Variants in CCDC6 observed in about 807,000 individuals in gnomAD.
CCDC6 encodes coiled-coil domain-containing protein 6.
CCDC6 carries 20 observed loss-of-function variants against 56.6 expected under a neutral mutation model. The observed-to-expected ratio is 0.35, with a 90% CI of 0.25 to 0.51. CCDC6 has a LOEUF of 0.51. Ranked by LOEUF, CCDC6 falls within the 20% of genes least tolerant of loss-of-function variation. CCDC6 has a pLI of 0.95. For synonymous variants in CCDC6, 241 were observed against 234.4 expected, an observed-to-expected ratio of 1.03 and a Z score of -0.26; for missense variants, 367 against 601.1, an observed-to-expected ratio of 0.61 and a Z score of 4.07.
intron 1 of CCDC6, among the ~76,000 whole-genome samples, chr10:59,898,442 A>C (rs1471292400): frequency 6.6e-6 from 1 of 152,250 alleles, no homozygotes; most frequent in Non-Finnish European, 1.5e-5. Context: ...TCACAGAGAT[A>C]GATGAACTTC....
Position 59,806,909 on chromosome 10 carries a change from G to C in CCDC6, c.1004+13C>G, listed in dbSNP as rs2070629952. 1 of 1,611,724 alleles carries C rather than the reference G, an allele frequency of 6.2e-7. No homozygotes were observed. The highest frequency in any genetic ancestry group is 1.3e-5 in the African/African-American group (1 of 74,760). On this transcript the variant is annotated intron_variant, in intron 6 of 8. Coordinates refer to ENST00000263102, the MANE Select transcript of CCDC6 (RefSeq NM_005436.5). ...TTTTAAACAAAAACAAGGCTCATAA[G>C]ACATGCACACACCTTTCGTCGTCCA...
rs147441139 is a variant in CCDC6 at position 59,860,742 on chromosome 10, G to A, written c.304-8040C>T. Among the ~76,000 whole-genome samples, 36 of 152,158 alleles carry A rather than the reference G, an allele frequency of 2.4e-4. No individual in the cohort carries two copies. In the East Asian group the frequency reaches 2.7e-3, roughly 11 times the overall value. ...TACATGACCTAATAGAAAAAGAGGC[G>A]TGCTCATTTCCAGGCATAAAAACTA... On this transcript the variant is annotated intron_variant, in intron 1 of 8. Coordinates refer to ENST00000263102, the MANE Select transcript of CCDC6 (RefSeq NM_005436.5).
chr10:59,878,509 T>C (rs1169110635), intron 1 of CCDC6, among the ~76,000 whole-genome samples: 1 of 152,168 alleles, frequency 6.6e-6, no homozygotes, highest in Non-Finnish European at 1.5e-5. Context: ...TGAGAAGGAA[T>C]TCACAGCTGC....
At chr10:59,804,362 G>A in intron 7 of CCDC6, 58 bp downstream of exon 7, 1 of 944,584 alleles carries the variant, frequency 1.1e-6, no homozygotes, top group Non-Finnish European at 1.8e-6. Context: ...CACAGTCAGG[G>A]TTGCCTATTC....
intron 2 of CCDC6, among the ~76,000 whole-genome samples, chr10:59,834,259 G>A (rs761066929): frequency 2.6e-5 from 4 of 152,084 alleles, no homozygotes; most frequent in Non-Finnish European, 4.4e-5. Flanking sequence ...TTGGCTAGGC[G>A]CAGGGGCTCA....
At chr10:59,881,348 C>T (rs2071333283) in intron 1 of CCDC6, among the ~76,000 whole-genome samples, 1 of 151,870 alleles carries the variant, frequency 6.6e-6, no homozygotes, top group African/African-American at 2.4e-5. Flanking sequence ...AGATGAACAT[C>T]CCGGCAGCAC....
chr10:59,831,113 G>A (rs975975610), intron 3 of CCDC6, among the ~76,000 whole-genome samples: 1 of 152,156 alleles, frequency 6.6e-6, no homozygotes, highest in Non-Finnish European at 1.5e-5. Context: ...GGAATTAAAC[G>A]GGTGAAACTC....
At chr10:59,862,394 A>G (rs1050742958) in intron 1 of CCDC6, among the ~76,000 whole-genome samples, 3 of 151,372 alleles carry the variant, frequency 2.0e-5, no homozygotes, top group Non-Finnish European at 2.9e-5. Flanking sequence ...AGGTTGAGGC[A>G]TAAGAATCGC....
chr10:59,803,986 G>C (rs952403549), intron 7 of CCDC6, among the ~76,000 whole-genome samples: 1 of 152,108 alleles, frequency 6.6e-6, no homozygotes. Flanking sequence ...TTAACATGGG[G>C]AAAATGATGA....
chr10:59,896,421 C>T (rs2071464401), intron 1 of CCDC6, among the ~76,000 whole-genome samples: 1 of 152,106 alleles, frequency 6.6e-6, no homozygotes, highest in African/African-American at 2.4e-5. Flanking sequence ...GGCTAGGGCA[C>T]TGCACATTTG....
chr10:59,806,769 T>C, intron 6 of CCDC6, 153 bp downstream of exon 6: 2 of 517,644 alleles, frequency 3.9e-6, no homozygotes, highest in Non-Finnish European at 6.5e-6. Flanking sequence ...ATCCCATTCT[T>C]GGCATCTACT....
rs73263456 is a variant in CCDC6, at chr10:59,840,868, G to C, written c.454-8215C>G. ...TTTACCATCTTCAGTACTACTTCCT[G>C]AATAATCCACTCCATCTCTTGGCAT... On this transcript the variant is annotated intron_variant, in intron 2 of 8. Transcript: ENST00000263102. Among the ~76,000 whole-genome samples the C allele has an allele frequency of 8.0e-3, 1,225 of 152,210 alleles. 26 individuals are homozygous for C. The highest frequency in any genetic ancestry group is 0.028 in the African/African-American group (1,167 of 41,530).
At chr10:59,837,386 T>C (rs2132646754) in intron 2 of CCDC6, among the ~76,000 whole-genome samples, 1 of 152,296 alleles carries the variant, frequency 6.6e-6, no homozygotes, top group Non-Finnish European at 1.5e-5. Flanking sequence ...GTCAAGTCAG[T>C]CCTTGCCAAC....
At chr10:59,849,456 T>C (rs918512739) in intron 2 of CCDC6, among the ~76,000 whole-genome samples, 1 of 152,212 alleles carries the variant, frequency 6.6e-6, no homozygotes, top group African/African-American at 2.4e-5. Flanking sequence ...ATTCTATTTT[T>C]TAAAGGTATT....
chr10:59,838,252 G>T lies in CCDC6; in HGVS notation c.454-5599C>A, dbSNP rs548195141. Reference sequence around the variant, plus strand: ...GTCACACACACACACACTCTCCTTTGTGTGTGCCATGTGCTCATGGCCCCA... The same window carrying T: ...GTCACACACACACACACTCTCCTTTTTGTGTGCCATGTGCTCATGGCCCCA... On this transcript the variant is annotated intron_variant, in intron 2 of 8. Coordinates refer to ENST00000263102, the MANE Select transcript of CCDC6 (RefSeq NM_005436.5). Among the ~76,000 whole-genome samples, 35 of 140,542 alleles carry T rather than the reference G, an allele frequency of 2.5e-4. No homozygotes were observed. In the South Asian group the frequency reaches 7.9e-3, roughly 32 times the overall value. The allele number at this position is 140,542 out of a possible 152,430, so 92.2% of individuals were successfully genotyped here.
intron 1 of CCDC6, among the ~76,000 whole-genome samples, chr10:59,862,142 T>C (rs2071134380): frequency 6.6e-6 from 1 of 152,018 alleles, no homozygotes; most frequent in Admixed American, 6.5e-5. Flanking sequence ...TTATAATACA[T>C]TGTAACAAAC....
chr10:59,788,920 A>G lies in CCDC6; in HGVS notation c.*3997T>C, dbSNP rs1201385988. 1.4e-5 allele frequency: 3 copies of G among 212,782 alleles called. No individual in the cohort carries two copies. The highest frequency in any genetic ancestry group is 1.4e-4 in the East Asian group (2 of 14,250). 13.2% of individuals were successfully genotyped at this position (212,782 alleles called of 1,614,324 possible). On this transcript the variant is annotated 3_prime_UTR_variant, in exon 9 of 9. Coordinates refer to ENST00000263102, the MANE Select transcript of CCDC6 (RefSeq NM_005436.5). ...GATTGCCACTATTACCAGAACTCCA[A>G]CCTAGTCAAGTTGTAGACAAGCTAT...
Position 59,860,200 on chromosome 10 carries a change from G to A in CCDC6, c.304-7498C>T, listed in dbSNP as rs528621615. Among the ~76,000 whole-genome samples, 22 of 152,314 alleles carry A rather than the reference G, an allele frequency of 1.4e-4. No homozygotes were observed. In the South Asian group the frequency reaches 4.4e-3, roughly 30 times the overall value. On this transcript the variant is annotated intron_variant, in intron 1 of 8. Transcript: ENST00000263102. The stretch of plus-strand genomic sequence containing the variant: ...TGACAGGCATAAGCAAAACTGGTCT[G>A]TGTGTGATGCAAAGGTAGGAAACCC...
chr10:59,839,389 T>C (rs946748848), intron 2 of CCDC6, among the ~76,000 whole-genome samples: 2 of 152,198 alleles, frequency 1.3e-5, no homozygotes, highest in African/African-American at 4.8e-5. Context: ...ATGCAAATAC[T>C]GATTGAATAA....
Sources: gnomAD v4.1 joint callset for allele counts (sites outside exome capture counted in the v4.1 genomes callset) on GRCh38, gnomAD v4.1.1 for gene constraint, MANE v1.5 for transcripts, NCBI Gene and HGNC (gene_info 2026-07-23, HGNC 2026-07-21) for gene names.